RTN4IP1: variants seen among roughly 807,000 people sequenced by gnomAD.
RTN4IP1 encodes NAD(P)H oxidoreductase RTN4IP1, mitochondrial.
In RTN4IP1, 32 loss-of-function variants were observed where a neutral mutation model predicts 46.6. The observed-to-expected ratio is 0.69, with a 90% CI of 0.52 to 0.92. The LOEUF (loss-of-function observed/expected upper bound fraction) is 0.92. Among genes scored for constraint, RTN4IP1 ranks in the 40% least tolerant of loss-of-function variants. The pLI is 0.00. For missense variants in RTN4IP1, 424 were observed against 485.8 expected, an observed-to-expected ratio of 0.87 and a Z score of 1.20; for synonymous variants, 167 against 161.8, an observed-to-expected ratio of 1.03 and a Z score of -0.24.
rs1009251424 is a variant in RTN4IP1, at chr6:106,619,333, T to G, written c.496-7A>C. 1 of 1,613,906 alleles carries G rather than the reference T, an allele frequency of 6.2e-7. No homozygotes were observed. On this transcript the variant is annotated splice_region_variant and splice_polypyrimidine_tract_variant and intron_variant, in intron 3 of 8. Transcript: ENST00000369063. ...ATTTGGGTTTGTGAGAGACCTACAT[T>G]TGAAGACAACAGTCAAAAATAAGCA... is the stretch of plus-strand genomic sequence containing the variant.
chr6:106,607,320 G>A (rs921326229), intron 4 of RTN4IP1, among the ~76,000 whole-genome samples: 18 of 151,842 alleles, frequency 1.2e-4, no homozygotes, highest in Middle Eastern at 3.4e-3. Flanking sequence ...ATGGGAATAC[G>A]GGCAAAAATG....
At chr6:106,611,049 A>C (rs956287300) in intron 4 of RTN4IP1, among the ~76,000 whole-genome samples, 252 of 132,954 alleles carry the variant, frequency 1.9e-3, no homozygotes, top group South Asian at 4.7e-3. Flanking sequence ...GCTGCCTTAC[A>C]AAAAAAAAAA....
chr6:106,571,630 G>A lies in RTN4IP1; in HGVS notation c.*366C>T. On this transcript the variant is annotated 3_prime_UTR_variant, in exon 9 of 9. Coordinates refer to ENST00000369063, the MANE Select transcript of RTN4IP1 (RefSeq NM_032730.5). Reference sequence around the variant, plus strand: ...AGGAGAATCGCTTAAGGTCAAGGCTGCAGTGAGCTGTGATTGTGCCACTGC... The same window carrying A: ...AGGAGAATCGCTTAAGGTCAAGGCTACAGTGAGCTGTGATTGTGCCACTGC... 1 of 203,578 alleles carries A rather than the reference G, an allele frequency of 4.9e-6. No individual in the cohort carries two copies. The highest frequency in any genetic ancestry group is 1.0e-5 in the Non-Finnish European group (1 of 99,168). 12.6% of individuals were successfully genotyped at this position (203,578 alleles called of 1,614,324 possible). A position where few individuals can be genotyped will look rare whatever the true frequency, so the allele number is the denominator to read the frequency against.
At chr6:106,578,859 T>C (rs998248936) in intron 8 of RTN4IP1, among the ~76,000 whole-genome samples, 5 of 152,122 alleles carry the variant, frequency 3.3e-5, no homozygotes, top group Non-Finnish European at 5.9e-5. Flanking sequence ...AAGGCCTAAA[T>C]AGTGAATGTC....
intron 8 of RTN4IP1, among the ~76,000 whole-genome samples, chr6:106,581,561 C>T (rs1775371700): frequency 6.6e-6 from 1 of 152,220 alleles, no homozygotes; most frequent in Admixed American, 6.5e-5. Flanking sequence ...CCCAGAACCC[C>T]TCATTGCCAG....
At chr6:106,591,700 T>C (rs989666228) in intron 6 of RTN4IP1, among the ~76,000 whole-genome samples, 1 of 152,106 alleles carries the variant, frequency 6.6e-6, no homozygotes, top group African/African-American at 2.4e-5. Context: ...AGCCTGGCAT[T>C]CAGACACACT....
At chr6:106,586,122 TC>T (rs1400197185) in intron 7 of RTN4IP1, among the ~76,000 whole-genome samples, 2 of 152,202 alleles carry the variant, frequency 1.3e-5, no homozygotes, top group East Asian at 3.8e-4. Flanking sequence ...CCATCATAGC[TC>T]TTTGTTACGA....
chr6:106,618,531 T>C (rs983960557), intron 4 of RTN4IP1, among the ~76,000 whole-genome samples: 3 of 152,186 alleles, frequency 2.0e-5, no homozygotes, highest in African/African-American at 7.2e-5. Context: ...ATTACCTCAT[T>C]TAACCTTCAA....
At chr6:106,628,708 AT>A in intron 1 of RTN4IP1, 39 bp downstream of exon 1, 5 of 1,560,000 alleles carry the variant, frequency 3.2e-6, no homozygotes, top group Non-Finnish European at 4.4e-6. Flanking sequence ...TATGAAAGTG[AT>A]TTTTTTAAAA....
At chr6:106,572,308 CCCACCCCACTG>C (rs1775088362) in intron 8 of RTN4IP1, 1 of 579,522 alleles carries the variant, frequency 1.7e-6, no homozygotes, top group Non-Finnish European at 3.1e-6. Context: ...TATGGCCCCT[CCCACCCCACTG>C]CCCAGTCTTA....
At chr6:106,629,865 C>T (rs1439284955), upstream of RTN4IP1, among the ~76,000 whole-genome samples, 1 of 152,202 alleles carries the variant, frequency 6.6e-6, no homozygotes. Context: ...CGGGTGTACT[C>T]GCCGTACCCA....
chr6:106,600,768 G>A (rs1391704843), intron 5 of RTN4IP1, among the ~76,000 whole-genome samples: 1 of 151,576 alleles, frequency 6.6e-6, no homozygotes, highest in African/African-American at 2.4e-5. Context: ...TCCTTTTTAT[G>A]GCTGATATAT....
chr6:106,574,878 T>C (rs2114616909), intron 8 of RTN4IP1, among the ~76,000 whole-genome samples: 1 of 152,334 alleles, frequency 6.6e-6, no homozygotes, highest in South Asian at 2.1e-4. Context: ...ACTGCCCACT[T>C]TAATCTGGCT....
chr6:106,588,179 G>A (rs899159452), intron 6 of RTN4IP1, among the ~76,000 whole-genome samples: 3 of 151,730 alleles, frequency 2.0e-5, no homozygotes, highest in Admixed American at 6.6e-5. Flanking sequence ...TCACTACAAT[G>A]CACAGAATAG....
At chr6:106,619,707 G>A (rs1027986703) in intron 3 of RTN4IP1, among the ~76,000 whole-genome samples, 2 of 149,846 alleles carry the variant, frequency 1.3e-5, no homozygotes, top group Non-Finnish European at 1.5e-5. Flanking sequence ...CGCCTCCCGG[G>A]TTCACACCAT....
chr6:106,572,371 G>A lies in RTN4IP1; in HGVS notation c.1084-268C>T, dbSNP rs544934748. 66 of 382,578 alleles carry A rather than the reference G, an allele frequency of 1.7e-4. No individual in the cohort carries two copies. The East Asian group carries it at 2.5e-3, about 15-fold the overall frequency. The allele number at this position is 382,578 out of a possible 1,614,324, so 23.7% of individuals were successfully genotyped here. ...GTCTTTCACTCTCCTACTTAGAACC[G>A]TTCAACAGCTCCCACTCCGGCATTC... On this transcript the variant is annotated intron_variant, in intron 8 of 8. Transcript: ENST00000369063.
At position 106,628,812 on chromosome 6, in the gene RTN4IP1, A is replaced by G. The variant is rs151062845; in HGVS notation, c.210T>C (p.Tyr70=). 1.5e-4 allele frequency: 242 copies of G among 1,614,018 alleles called. 1 individual carries two copies. The highest frequency in any genetic ancestry group is 9.9e-4 in the Middle Eastern group (6 of 6,062). The change falls in exon 1 of 9, where the codon TAT becomes TAC. Residue 70 remains tyrosine, a synonymous_variant. Transcript: ENST00000369063. ...TQNMMMPIIH[Y]PNEVIVKVHA... Reference sequence around the variant, plus strand: ...GAACTTTGACAATGACTTCATTTGGATAGTGTATGATAGGCATCATCATGT... The same window carrying G: ...GAACTTTGACAATGACTTCATTTGGGTAGTGTATGATAGGCATCATCATGT...
Position 106,622,873 on chromosome 6 carries a change from G to C in RTN4IP1, c.371C>G (p.Ser124Cys), listed in dbSNP as rs775022210. The change falls in exon 2 of 9, where the codon TCT becomes TGT. Residue 124 changes from serine (S) to cysteine (C), a missense_variant. Ser to Cys is a moderately radical substitution (Grantham distance 112, BLOSUM62 -1). Transcript: ENST00000369063. Reference sequence around the variant, plus strand: ...AAGCCCACATTCCATCACCACGCCAGAGACATCCCGACCCAGAGTCAGAGG... The same window carrying C: ...AAGCCCACATTCCATCACCACGCCACAGACATCCCGACCCAGAGTCAGAGG... Reference protein sequence around the residue: ...EFPLTLGRDVSGVVMECGLDV... With the variant: ...EFPLTLGRDVCGVVMECGLDV... The C allele has an allele frequency of 6.2e-7, 1 of 1,614,036 alleles. No homozygotes were observed. The highest frequency in any genetic ancestry group is 8.5e-7 in the Non-Finnish European group (1 of 1,180,038).
At chr6:106,573,575 T>C (rs537779668) in intron 8 of RTN4IP1, among the ~76,000 whole-genome samples, 22 of 152,340 alleles carry the variant, frequency 1.4e-4, no homozygotes, top group African/African-American at 5.3e-4. Context: ...GCTCTAGAGA[T>C]TTCATCTCAT....
Sources: allele counts gnomAD v4.1 joint callset (sites outside exome capture counted in the v4.1 genomes callset), GRCh38; gene constraint gnomAD v4.1.1; transcripts MANE v1.5; gene names NCBI Gene and HGNC (gene_info 2026-07-23, HGNC 2026-07-21).